The following ARHGAP29 variants were observed in gnomAD, a reference collection of about 807,000 sequenced individuals.
ARHGAP29 encodes rho GTPase-activating protein 29.
ARHGAP29 carries 43 observed loss-of-function variants against 122.6 expected under a neutral mutation model. The observed-to-expected ratio is 0.35, with a 90% CI of 0.27 to 0.45. The LOEUF is 0.45. Among genes scored for constraint, ARHGAP29 ranks in the 20% least tolerant of loss-of-function variants. The probability of loss-of-function intolerance (pLI) is 1.00; values close to 1 mark genes in which losing one functional copy is unlikely to be tolerated. For synonymous variants in ARHGAP29, 506 were observed against 497.1 expected, an observed-to-expected ratio of 1.02 and a Z score of -0.24; for missense variants, 1,303 against 1,477.2, an observed-to-expected ratio of 0.88 and a Z score of 1.93.
intron 12 of ARHGAP29, chr1:94,190,560 C>T (rs1261328087): frequency 6.6e-6 from 1 of 152,434 alleles, no homozygotes; most frequent in Non-Finnish European, 1.5e-5. Flanking sequence ...TTAGATATTA[C>T]CTTGAATTTA....
At chr1:94,298,698 T>C in the ARHGAP29 span, among the ~76,000 whole-genome samples, 2 of 152,210 alleles carry the variant, frequency 1.3e-5, no homozygotes, top group South Asian at 2.1e-4. Context: ...TAAGGACCTA[T>C]AATGCTATTT....
intron 14 of ARHGAP29, 48 bp from the exon 15 acceptor site, chr1:94,188,989 T>G: frequency 6.5e-7 from 1 of 1,539,276 alleles, no homozygotes; most frequent in Non-Finnish European, 9.0e-7. Flanking sequence ...GTAGATTTCA[T>G]AAGGTAAAAT....
chr1:94,189,415 T>C, intron 13 of ARHGAP29, 63 bp from the exon 14 acceptor site: 1 of 1,478,858 alleles, frequency 6.8e-7, no homozygotes, highest in Non-Finnish European at 9.0e-7. Flanking sequence ...ATCAGTTGAT[T>C]TCATTCTATG....
the ARHGAP29 span, chr1:94,302,719 A>G: frequency 7.6e-6 from 3 of 392,602 alleles, no homozygotes; most frequent in South Asian, 5.8e-5. Context: ...GTGGCCTTCC[A>G]TGTACCCACT....
rs778728466 is a variant in ARHGAP29, at chr1:94,174,366, T to C, written c.3289A>G (p.Ile1097Val). Residue 1097 changes from isoleucine (I) to valine (V), a missense_variant, in exon 23 of 23, where the codon ATC becomes GTC. Physicochemically the swap from Ile to Val is conservative, Grantham distance 29 (BLOSUM62 3). Around this residue, in one of 3 missense-constraint regions of ARHGAP29, gnomAD observed 620 missense variants for 651.2 expected, o/e 0.95. Transcript: ENST00000260526. The part of the protein sequence containing the change: ...QNSLTAKTTM[I>V]MPSALQEKGV... ...TTTTCCTGGAGTGCACTGGGCATGA[T>C]CATTGTAGTCTTGGCAGTTAGGCTG... The C allele has an allele frequency of 1.2e-6, 2 of 1,614,068 alleles. No individual in the cohort carries two copies. The highest frequency in any genetic ancestry group is 3.3e-5 in the Admixed American group (2 of 60,002).
At chr1:94,260,565 T>C (rs1654521580) in intron 1 of ARHGAP29, among the ~76,000 whole-genome samples, 1 of 152,182 alleles carries the variant, frequency 6.6e-6, no homozygotes, top group Non-Finnish European at 1.5e-5. Context: ...AAGGAAAGAA[T>C]AATCAATAGC....
rs150395798 is a variant in ARHGAP29, at chr1:94,260,944, T to G, written c.-33+14068A>C. On this transcript the variant is annotated intron_variant and NMD_transcript_variant, in intron 1 of 25. Coordinates refer to the ARHGAP29 transcript ENST00000552844. The stretch of plus-strand genomic sequence containing the variant: ...GAGGCATAGCTGTGCAGCTGTTGAG[T>G]GTTTCCTGACTTCCTTACAACCTCC... 6.2e-3 allele frequency among the ~76,000 whole-genome samples: 937 copies of G among 152,260 alleles called. 13 individuals carry two copies. Among genetic ancestry groups the G allele is most frequent in the African/African-American group, 0.022 (905 of 41,548 alleles).
chr1:94,228,335 A>C (rs1364338817), intron 2 of ARHGAP29, among the ~76,000 whole-genome samples: 1 of 151,822 alleles, frequency 6.6e-6, no homozygotes, highest in Non-Finnish European at 1.5e-5. Flanking sequence ...AACTGCCAAC[A>C]TTCAGAACAA....
intron 1 of ARHGAP29, among the ~76,000 whole-genome samples, chr1:94,274,696 C>A (rs958491472): frequency 1.4e-4 from 22 of 152,172 alleles, no homozygotes; most frequent in African/African-American, 4.8e-4. Context: ...CTGGCCTGGG[C>A]AATTAGGAGG....
chr1:94,217,421 C>T (rs577268259), intron 3 of ARHGAP29, among the ~76,000 whole-genome samples: 24 of 151,906 alleles, frequency 1.6e-4, no homozygotes, highest in Middle Eastern at 3.4e-3. Flanking sequence ...GTAATCCTAG[C>T]TACTTGGGAG....
chr1:94,200,652 T>C (rs975824105), intron 12 of ARHGAP29, among the ~76,000 whole-genome samples: 3 of 152,202 alleles, frequency 2.0e-5, no homozygotes, highest in African/African-American at 7.2e-5. Context: ...AATGTCCAAC[T>C]AGTGAATGGA....
chr1:94,184,719 A>T (rs1345691044), intron 18 of ARHGAP29, among the ~76,000 whole-genome samples, 153 bp downstream of exon 18: 2 of 152,090 alleles, frequency 1.3e-5, no homozygotes, highest in Non-Finnish European at 2.9e-5. Flanking sequence ...ATGCCACTGT[A>T]CTCCAGCCTG....
At chr1:94,233,621 C>A (rs1653067454) in intron 1 of ARHGAP29, among the ~76,000 whole-genome samples, 1 of 152,154 alleles carries the variant, frequency 6.6e-6, no homozygotes, top group African/African-American at 2.4e-5. Flanking sequence ...TCCTACCTAC[C>A]TGTGCAATGT....
At chr1:94,285,124 T>C in the ARHGAP29 span, among the ~76,000 whole-genome samples, 3 of 152,146 alleles carry the variant, frequency 2.0e-5, no homozygotes, top group Non-Finnish European at 4.4e-5. Flanking sequence ...AACATAAAAA[T>C]GATTGTCTTC....
chr1:94,202,367 G>T, intron 11 of ARHGAP29, 177 bp downstream of exon 11: 1 of 690,434 alleles, frequency 1.4e-6, no homozygotes, highest in South Asian at 2.0e-5. Flanking sequence ...GCATCAGCAC[G>T]ACCTGAGAGC....
chr1:94,200,568 T>G (rs1360195109), intron 12 of ARHGAP29, among the ~76,000 whole-genome samples: 1 of 152,162 alleles, frequency 6.6e-6, no homozygotes, highest in Non-Finnish European at 1.5e-5. Context: ...ACAAGAAAAC[T>G]TATGTTCAAC....
At chr1:94,241,327 C>A (rs989546023), upstream of ARHGAP29, among the ~76,000 whole-genome samples, 1 of 152,080 alleles carries the variant, frequency 6.6e-6, no homozygotes, top group Non-Finnish European at 1.5e-5. Context: ...AAAGATATAT[C>A]AAATGCAGCC....
chr1:94,240,294 C>T (rs1284141345), upstream of ARHGAP29, among the ~76,000 whole-genome samples: 1 of 152,138 alleles, frequency 6.6e-6, no homozygotes, highest in Non-Finnish European at 1.5e-5. Flanking sequence ...AATCTCAATC[C>T]TCCTCTTAAA....
chr1:94,302,631 T>G, the ARHGAP29 span: 1 of 435,852 alleles, frequency 2.3e-6, no homozygotes, highest in African/African-American at 2.0e-5. Context: ...CTCCATTACA[T>G]CATCCCTGCA....
Sources: allele counts gnomAD v4.1 joint callset (sites outside exome capture counted in the v4.1 genomes callset), GRCh38; gene constraint gnomAD v4.1.1; regional missense constraint gnomAD v4.1.1; transcripts MANE v1.5; gene names NCBI Gene and HGNC (gene_info 2026-07-23, HGNC 2026-07-21).